ITGA3: variants seen among roughly 807,000 people sequenced by gnomAD.
ITGA3 encodes the protein integrin subunit alpha 3, also known as integrin alpha-3.
Under a neutral mutation model 131.1 loss-of-function variants are expected in ITGA3, and 70 were observed. The observed-to-expected ratio is 0.53, with a 90% CI of 0.44 to 0.65. The LOEUF (loss-of-function observed/expected upper bound fraction) is 0.65, where lower values mean the gene tolerates loss of function less well. Among genes scored for constraint, ITGA3 ranks in the 30% least tolerant of loss-of-function variants. ITGA3 has a pLI of 0.00. For missense variants in ITGA3, 1,098 were observed against 1,388.6 expected (o/e 0.79, Z 3.33); for synonymous variants, 537 against 571.6 (o/e 0.94, Z 0.86).
rs371385671 is a variant in ITGA3 at position 50,075,706 on chromosome 17, C to T, written c.1645C>T (p.Arg549Cys). ...FHGFFSMPEM[R>C]CQKLELLLMD... ...CGGCTTCTTCTCCATGCCCGAGATG[C>T]GCTGCCAGAAGCTGGAGCTGCTCCT... is the stretch of plus-strand genomic sequence containing the variant. Residue 549 changes from arginine to cysteine, a missense_variant, in exon 12 of 26, where the codon CGC becomes TGC. Physicochemically the swap from Arg to Cys is radical, Grantham distance 180. Transcript: ENST00000320031. 6.2e-6 allele frequency: 10 copies of T among 1,613,992 alleles called. No individual in the cohort carries two copies. In the African/African-American group the frequency reaches 6.7e-5, roughly 11 times the overall value.
At position 50,081,392 on chromosome 17, in the gene ITGA3, A is replaced by T; in HGVS notation, c.2903A>T (p.Glu968Val). ...ACCAGCATCCCCACCATCAACATGG[A>T]GAACAAGACCACGTGGGTGAGTGCG... is the stretch of plus-strand genomic sequence containing the variant. ...LRTSIPTINM[E>V]NKTTWFSVDI... Residue 968 changes from glutamate (E) to valine (V), a missense_variant, in exon 23 of 26, where the codon GAG becomes GTG. Physicochemically the swap from Glu to Val is moderately radical, Grantham distance 121. Coordinates refer to ENST00000320031, the MANE Select transcript of ITGA3 (RefSeq NM_002204.4). 1 of 1,582,918 alleles carries T rather than the reference A, an allele frequency of 6.3e-7. No homozygotes were observed. Among genetic ancestry groups the T allele is most frequent in the South Asian group, 1.2e-5 (1 of 86,830 alleles).
Position 50,070,134 on chromosome 17 carries a change from G to A in ITGA3, c.665-710G>A, listed in dbSNP as rs145077562. Among the ~76,000 whole-genome samples, 153 of 152,292 alleles carry A rather than the reference G, an allele frequency of 1.0e-3. 1 individual carries two copies. The East Asian group carries it at 0.022, about 21-fold the overall frequency. On this transcript the variant is annotated intron_variant, in intron 4 of 25. Transcript: ENST00000320031. ...GGTGCAGGGTCCAGCTAGGCAGCCC[G>A]AGTTTGGGGTCAGGACCAGAAAGAG...
chr17:50,086,752 GA>G lies in ITGA3; in HGVS notation c.2920-987del, dbSNP rs1909462494. 4 of 148,388 alleles carry G rather than the reference GA, an allele frequency of 2.7e-5. No homozygotes were observed. The South Asian group carries it at 8.5e-4, about 31-fold the overall frequency. 9.2% of individuals were successfully genotyped at this position (148,388 alleles called of 1,614,324 possible). A position where few individuals can be genotyped will look rare whatever the true frequency, so the allele number is the denominator to read the frequency against. Reference sequence around the variant, plus strand: ...CGTATTTATCTCCATTGTAGGGGAAGAAAAAGAATGGGACTATCAGCCGGGC... The same window carrying G: ...CGTATTTATCTCCATTGTAGGGGAAGAAAAGAATGGGACTATCAGCCGGGC... On this transcript the variant is annotated intron_variant, in intron 23 of 25. Coordinates refer to ENST00000320031, the MANE Select transcript of ITGA3 (RefSeq NM_002204.4).
chr17:50,084,668 C>G (rs905214490), intron 23 of ITGA3, among the ~76,000 whole-genome samples: 1 of 152,102 alleles, frequency 6.6e-6, no homozygotes, highest in Non-Finnish European at 1.5e-5. Flanking sequence ...GCCTATAATC[C>G]TAACACTTTG....
chr17:50,071,327 A>G lies in ITGA3; in HGVS notation c.768A>G (p.Val256=). The G allele has an allele frequency of 6.2e-7, 1 of 1,614,014 alleles. No homozygotes were observed. The highest frequency in any genetic ancestry group is 1.1e-5 in the South Asian group (1 of 91,086). The part of the protein sequence containing the change: ...GNLYIGYTMQ[V]GSFILHPKNI... ...CTATCCCAGGGTACACGATGCAGGT[A>G]GGCAGCTTCATCCTGCACCCCAAAA... Residue 256 remains valine (V), a synonymous_variant, in exon 6 of 26, where the codon GTA becomes GTG. Transcript: ENST00000320031.
At chr17:50,078,323 G>A (rs772457204) in intron 18 of ITGA3, 39 bp downstream of exon 18, 3 of 1,564,154 alleles carry the variant, frequency 1.9e-6, no homozygotes, top group South Asian at 1.1e-5. Flanking sequence ...CCAGCCTGCT[G>A]TGCCTAAGCT....
chr17:50,075,947 G>A (rs1227732132), intron 12 of ITGA3, among the ~76,000 whole-genome samples: 1 of 152,114 alleles, frequency 6.6e-6, no homozygotes, highest in South Asian at 2.1e-4. Context: ...GGGGCCAAAG[G>A]GCTTATTACC....
chr17:50,089,322 A>G lies in ITGA3; in HGVS notation c.*244A>G, dbSNP rs1909608764. 6.6e-7 allele frequency: 1 copy of G among 1,506,704 alleles called. No individual in the cohort carries two copies. The highest frequency in any genetic ancestry group is 1.8e-5 in the Admixed American group (1 of 57,090). 93.3% of individuals were successfully genotyped at this position (1,506,704 alleles called of 1,614,324 possible). On this transcript the variant is annotated 3_prime_UTR_variant, in exon 26 of 26. Transcript: ENST00000320031. ...AGTGTCCCCTTTCTTCCTATTTATC[A>G]TAAGTTATGCCTCTGACAGTCCACA... is the stretch of plus-strand genomic sequence containing the variant.
At chr17:50,058,796 GA>G (rs1907948476) in intron 1 of ITGA3, among the ~76,000 whole-genome samples, 1 of 152,242 alleles carries the variant, frequency 6.6e-6, no homozygotes, top group South Asian at 2.1e-4. Flanking sequence ...GCACAACTCA[GA>G]GGAACTAACT....
At chr17:50,070,200 GA>G (rs1908558832) in intron 4 of ITGA3, among the ~76,000 whole-genome samples, 1 of 152,196 alleles carries the variant, frequency 6.6e-6, no homozygotes, top group South Asian at 2.1e-4. Flanking sequence ...AGAGAGTGGG[GA>G]AAGCCATCTA....
intron 13 of ITGA3, 40 bp downstream of exon 13, chr17:50,076,515 A>G (rs774250971): frequency 6.2e-7 from 1 of 1,601,014 alleles, no homozygotes; most frequent in Non-Finnish European, 8.5e-7. Context: ...ACCAGGGGCC[A>G]GAAGGGCGGT....
Position 50,089,377 on chromosome 17 carries a change from G to C in ITGA3, c.*299G>C. ...CCACCACCTTTGGCTGGTAGCAGCA[G>C]GCTCAGGCACATACACCTCGTCAAG... is the stretch of plus-strand genomic sequence containing the variant. On this transcript the variant is annotated 3_prime_UTR_variant, in exon 26 of 26. Transcript: ENST00000320031. The C allele has an allele frequency of 2.3e-6, 2 of 867,584 alleles. No individual in the cohort carries two copies. The highest frequency in any genetic ancestry group is 3.6e-6 in the Non-Finnish European group (2 of 560,060). The allele number at this position is 867,584 out of a possible 1,614,324, so 53.7% of individuals were successfully genotyped here.
chr17:50,087,610 C>CT, intron 23 of ITGA3, 134 bp from the exon 24 acceptor site: 2 of 1,000,226 alleles, frequency 2.0e-6, no homozygotes, highest in Non-Finnish European at 1.5e-6. Flanking sequence ...CAGGCACAGG[C>CT]TTTTTCCAGT....
At chr17:50,068,754 G>A (rs1323468857) in intron 4 of ITGA3, among the ~76,000 whole-genome samples, 3 of 151,948 alleles carry the variant, frequency 2.0e-5, no homozygotes, top group South Asian at 2.1e-4. Context: ...CACCCTCCTC[G>A]GCCTCCCAAA....
chr17:50,059,855 C>G (rs755673663), intron 1 of ITGA3, among the ~76,000 whole-genome samples: 14 of 152,114 alleles, frequency 9.2e-5, no homozygotes, highest in Non-Finnish European at 1.8e-4. Context: ...AGAAAAATGG[C>G]CTTGTTCTTT....
chr17:50,087,967 T>C, intron 24 of ITGA3, 98 bp downstream of exon 24: 1 of 1,430,562 alleles, frequency 7.0e-7, no homozygotes, highest in South Asian at 1.4e-5. Context: ...CTCCCTTCCA[T>C]CTCACCCCCA....
intron 19 of ITGA3, 49 bp from the exon 20 acceptor site, chr17:50,079,027 G>C: frequency 6.4e-7 from 1 of 1,569,608 alleles, no homozygotes; most frequent in Non-Finnish European, 8.8e-7. Flanking sequence ...TGGTAAGATG[G>C]AGGTGGTTTT....
intron 23 of ITGA3, 66 bp from the exon 24 acceptor site, chr17:50,087,678 A>C: frequency 6.5e-7 from 1 of 1,535,562 alleles, no homozygotes; most frequent in Non-Finnish European, 8.9e-7. Flanking sequence ...CCCAGCTAGG[A>C]TAGGAAGGGT....
At position 50,056,413 on chromosome 17, in the gene ITGA3, G is replaced by T; in HGVS notation, c.-27G>T. ...CAGCTCCGCGCCCTCACGCGCTCTC[G>T]CCGGGACCCCGCTTCCGCTGGCAGC... is the stretch of plus-strand genomic sequence containing the variant. On this transcript the variant is annotated 5_prime_UTR_variant, in exon 1 of 26. Transcript: ENST00000320031. This position sits in a 1 kb window ranked among gnomAD's most constrained non-coding sequence, Gnocchi z 5.6. The T allele has an allele frequency of 6.9e-7, 1 of 1,447,190 alleles. No individual in the cohort carries two copies. Among genetic ancestry groups the T allele is most frequent in the Non-Finnish European group, 9.1e-7 (1 of 1,103,440 alleles). The allele number at this position is 1,447,190 out of a possible 1,614,324, so 89.6% of individuals were successfully genotyped here. A position where few individuals can be genotyped will look rare whatever the true frequency, so the allele number is the denominator to read the frequency against.
Sources: gnomAD v4.1 joint callset for allele counts (sites outside exome capture counted in the v4.1 genomes callset) on GRCh38, gnomAD v4.1.1 for gene constraint, Gnocchi (gnomAD v3.1) non-coding constraint, MANE v1.5 for transcripts, NCBI Gene and HGNC (gene_info 2026-07-23, HGNC 2026-07-21) for gene names.